NDUFA10: variants seen among roughly 807,000 people sequenced by gnomAD.
The protein encoded by NDUFA10 is NADH dehydrogenase [ubiquinone] 1 alpha subcomplex subunit 10, mitochondrial.
NDUFA10 carries 40 observed loss-of-function variants against 47.8 expected under a neutral mutation model. That is an observed-to-expected ratio of 0.84 (90% CI 0.65 to 1.09). NDUFA10 has a LOEUF of 1.09. Ranked by LOEUF, NDUFA10 falls within the 50% of genes least tolerant of loss-of-function variation. NDUFA10 has a pLI of 0.00. For missense variants in NDUFA10, 413 were observed against 451.1 expected (o/e 0.92, Z 0.76); for synonymous variants, 183 against 172.2 (o/e 1.06, Z -0.49).
At position 239,989,449 on chromosome 2, in the gene NDUFA10, G is replaced by A. The variant is rs527874933; in HGVS notation, c.999+625C>T. Among the ~76,000 whole-genome samples the A allele has an allele frequency of 1.6e-4, 25 of 152,346 alleles. No individual in the cohort carries two copies. In the South Asian group the frequency reaches 2.7e-3, roughly 16 times the overall value. On this transcript the variant is annotated intron_variant, in intron 9 of 9. Coordinates refer to ENST00000252711, the MANE Select transcript of NDUFA10 (RefSeq NM_004544.4). ...ATAACAAACCACAGCCACCACTGCC[G>A]CGGATATGGATCGTGCTCTTCCCAG...
At chr2:239,988,585 A>C (rs1366990278) in intron 9 of NDUFA10, among the ~76,000 whole-genome samples, 3 of 152,202 alleles carry the variant, frequency 2.0e-5, no homozygotes, top group African/African-American at 7.2e-5. Flanking sequence ...GAAGCCGCCG[A>C]ACAAGCTCAG....
intron 3 of NDUFA10, among the ~76,000 whole-genome samples, chr2:240,020,110 G>A (rs193262415): frequency 3.6e-4 from 54 of 151,692 alleles, no homozygotes; most frequent in Middle Eastern, 3.4e-3. Context: ...CACTGCATCC[G>A]TGGAGACCTG....
At chr2:239,985,072 G>A (rs1351121580) in intron 9 of NDUFA10, among the ~76,000 whole-genome samples, 1 of 152,150 alleles carries the variant, frequency 6.6e-6, no homozygotes, top group Non-Finnish European at 1.5e-5. Flanking sequence ...CCTCTCCAGG[G>A]TGAGATGACT....
intron 2 of NDUFA10, among the ~76,000 whole-genome samples, chr2:240,021,868 A>G (rs1043102073): frequency 6.6e-6 from 1 of 152,220 alleles, no homozygotes; most frequent in Non-Finnish European, 1.5e-5. Context: ...AGGCTGTCAC[A>G]AAGTTCAAAC....
At chr2:239,911,402 TG>T (rs1272866118) in intron 4 of NDUFA10, among the ~76,000 whole-genome samples, 2 of 152,096 alleles carry the variant, frequency 1.3e-5, no homozygotes, top group Non-Finnish European at 2.9e-5. Context: ...CTGCAAACCC[TG>T]GGGGACTGGG....
intron 9 of NDUFA10, among the ~76,000 whole-genome samples, chr2:239,967,979 TAC>T (rs61166045): frequency 1.3e-3 from 196 of 147,552 alleles, no homozygotes; most frequent in South Asian, 4.8e-3. Flanking sequence ...GAAAAAAATA[TAC>T]ACACACACAC....
Position 239,949,390 on chromosome 2 carries a change from C to A in NDUFA10, c.294+40684G>T, listed in dbSNP as rs1694512808. On this transcript the variant is annotated intron_variant, in intron 4 of 5. Coordinates refer to the NDUFA10 transcript ENST00000419408. ...TGTGGGGGATGAGATCAGCATGTGA[C>A]CTGGTGGATTCGGGAAGGCAGGCGG... Among the ~76,000 whole-genome samples, 3 of 152,130 alleles carry A rather than the reference C, an allele frequency of 2.0e-5. No individual in the cohort carries two copies. In the South Asian group the frequency reaches 6.2e-4, roughly 32 times the overall value.
chr2:240,009,665 C>T (rs1465870339), intron 6 of NDUFA10, among the ~76,000 whole-genome samples: 1 of 152,220 alleles, frequency 6.6e-6, no homozygotes. Context: ...ACAGGAGGAA[C>T]TGCTCAAAGA....
At chr2:239,977,686 G>T (rs1011683544) in intron 9 of NDUFA10, among the ~76,000 whole-genome samples, 18 of 152,234 alleles carry the variant, frequency 1.2e-4, no homozygotes, top group Non-Finnish European at 2.1e-4. Flanking sequence ...CACGCTAGGA[G>T]AACGTAAATA....
chr2:239,961,165 G>A lies in NDUFA10; in HGVS notation c.1021C>T (p.Pro341Ser). ...TCTCCCACCTCGGTGTTGTACCCAGGGCTGTACTTGCGGCCCGGCAGCTGT... is the reference window on the plus strand; with the variant it reads ...TCTCCCACCTCGGTGTTGTACCCAGAGCTGTACTTGCGGCCCGGCAGCTGT... ...FRELPGRKYS[P>S]GYNTEVGDKW... The change falls in exon 10 of 10, where the codon CCT (proline) becomes TCT (serine). Residue 341 changes from proline to serine, a missense_variant. Coordinates refer to ENST00000252711, the MANE Select transcript of NDUFA10 (RefSeq NM_004544.4). 6.2e-7 allele frequency: 1 copy of A among 1,613,658 alleles called. No individual in the cohort carries two copies. The highest frequency in any genetic ancestry group is 8.5e-7 in the Non-Finnish European group (1 of 1,179,888).
At chr2:239,916,843 C>T (rs540202879) in intron 4 of NDUFA10, among the ~76,000 whole-genome samples, 12 of 152,352 alleles carry the variant, frequency 7.9e-5, no homozygotes, top group African/African-American at 2.9e-4. Flanking sequence ...TCTTGGTGGC[C>T]CCACCTCTTT....
rs1230039523 is a variant in NDUFA10 at position 239,972,134 on chromosome 2, AGGAT to A, written c.1000-10952_1000-10949del. ...TTCCCAGCTGAAAGAGTTTTCATGA[AGGAT>A]GTGTGTGTGTGTGTGTGTGTGTGTG... On this transcript the variant is annotated intron_variant, in intron 9 of 9. Coordinates refer to ENST00000252711, the MANE Select transcript of NDUFA10 (RefSeq NM_004544.4). Among the ~76,000 whole-genome samples the A allele has an allele frequency of 1.2e-4, 10 of 84,902 alleles. No individual in the cohort carries two copies. In the Admixed American group the frequency reaches 1.2e-3, roughly 10 times the overall value. 55.7% of individuals were successfully genotyped at this position (84,902 alleles called of 152,430 possible).
intron 8 of NDUFA10, among the ~76,000 whole-genome samples, chr2:239,991,676 T>C (rs1255517529): frequency 6.6e-6 from 1 of 152,218 alleles, no homozygotes; most frequent in Non-Finnish European, 1.5e-5. Context: ...AATCTACAAG[T>C]ACGTATCTTC....
intron 8 of NDUFA10, among the ~76,000 whole-genome samples, chr2:239,991,109 C>A (rs994316697): frequency 6.6e-6 from 1 of 152,158 alleles, no homozygotes; most frequent in Non-Finnish European, 1.5e-5. Flanking sequence ...AGCAAACCCA[C>A]GGCCTGTTCC....
chr2:240,018,549 T>TCA lies in NDUFA10; in HGVS notation c.547+2_547+3dup. 6.2e-7 allele frequency: 1 copy of TCA among 1,614,226 alleles called. No individual in the cohort carries two copies. The highest frequency in any genetic ancestry group is 1.7e-5 in the Admixed American group (1 of 60,036). On this transcript the variant is annotated splice_donor_region_variant and intron_variant, in intron 4 of 9. Transcript: ENST00000252711. ...CCAGAAGTGGGTCTGCAATGCTGACTCACACTGCTTTCGGATGAATCCCTG... is the reference window on the plus strand; with the variant it reads ...CCAGAAGTGGGTCTGCAATGCTGACTCACACACTGCTTTCGGATGAATCCCTG...
rs1553554441 is a variant in NDUFA10 at position 239,911,670 on chromosome 2, A to AGAGTGTGT, written c.295-16357_295-16356insACACACTC. On this transcript the variant is annotated intron_variant, in intron 4 of 5. Transcript: ENST00000419408. ...CAGCCCAGACACCAAAACATGAGAG[A>AGAGTGTGT]GTGTGTGTGCGTGTGTGTGTGTGTG... is the stretch of plus-strand genomic sequence containing the variant. Among the ~76,000 whole-genome samples, 37 of 146,650 alleles carry AGAGTGTGT rather than the reference A, an allele frequency of 2.5e-4. 1 individual carries two copies. The highest frequency in any genetic ancestry group is 3.6e-4 in the African/African-American group (14 of 39,324).
At chr2:239,997,184 A>G (rs1314567417) in intron 8 of NDUFA10, among the ~76,000 whole-genome samples, 2 of 152,160 alleles carry the variant, frequency 1.3e-5, no homozygotes, top group Non-Finnish European at 1.5e-5. Flanking sequence ...TCTAAAGTCA[A>G]TAAGCTTAGG....
intron 4 of NDUFA10, among the ~76,000 whole-genome samples, chr2:239,927,508 G>C (rs1047296143): frequency 6.6e-6 from 1 of 152,134 alleles, no homozygotes; most frequent in African/African-American, 2.4e-5. Context: ...CTGACTCACC[G>C]ACCTAACGGT....
chr2:239,996,137 G>A (rs1696466921), intron 8 of NDUFA10, among the ~76,000 whole-genome samples: 1 of 152,010 alleles, frequency 6.6e-6, no homozygotes, highest in Non-Finnish European at 1.5e-5. Context: ...AGTAACCGAT[G>A]GACCCAGCAG....
Sources: gnomAD v4.1 joint callset for allele counts (sites outside exome capture counted in the v4.1 genomes callset) on GRCh38, gnomAD v4.1.1 for gene constraint, MANE v1.5 for transcripts, NCBI Gene and HGNC (gene_info 2026-07-23, HGNC 2026-07-21) for gene names.